Variants in PSIP1 observed in about 807,000 individuals in gnomAD.
PSIP1 encodes PC4 and SRSF1 interacting protein 1.
PSIP1 carries 19 observed loss-of-function variants against 74.7 expected under a neutral mutation model. The ratio of observed to expected loss-of-function variants is 0.25; its 90% CI spans 0.18 to 0.37. The LOEUF is 0.37. Ranked by LOEUF, PSIP1 falls within the 10% of genes least tolerant of loss-of-function variation. The probability of loss-of-function intolerance (pLI) is 1.00; values close to 1 mark genes in which losing one functional copy is unlikely to be tolerated. For synonymous variants in PSIP1, 222 were observed against 195.3 expected, an observed-to-expected ratio of 1.14 and a Z score of -1.14; for missense variants, 601 against 614.3, an observed-to-expected ratio of 0.98 and a Z score of 0.23.
chr9:15,479,873 G>A (rs898407549), intron 6 of PSIP1, among the ~76,000 whole-genome samples, 186 bp from the exon 7 acceptor site: 12 of 151,766 alleles, frequency 7.9e-5, no homozygotes, highest in Admixed American at 3.3e-4. Flanking sequence ...TATAACTCTA[G>A]TGAACAACTC....
chr9:15,467,903 C>T (rs2035698770), intron 14 of PSIP1, among the ~76,000 whole-genome samples: 1 of 152,036 alleles, frequency 6.6e-6, no homozygotes, highest in Admixed American at 6.6e-5. Context: ...GGTGGATTAC[C>T]ATAGGTCGGG....
At chr9:15,474,649 A>C (rs1384768925) in intron 8 of PSIP1, among the ~76,000 whole-genome samples, 1 of 152,160 alleles carries the variant, frequency 6.6e-6, no homozygotes, top group Non-Finnish European at 1.5e-5. Flanking sequence ...GCTGACTAGC[A>C]CCTAAGTATT....
chr9:15,486,393 G>C (rs1322728782), intron 5 of PSIP1, among the ~76,000 whole-genome samples: 2 of 152,134 alleles, frequency 1.3e-5, no homozygotes, highest in African/African-American at 2.4e-5. Context: ...AGGGTGGCTG[G>C]GACATTGAAG....
intron 14 of PSIP1, 111 bp downstream of exon 14, chr9:15,468,519 C>G (rs766475812): frequency 7.1e-5 from 88 of 1,236,566 alleles, no homozygotes; most frequent in Non-Finnish European, 9.9e-5. Context: ...CCTTTGTATA[C>G]TTTTTCTGTG....
rs560795352 is a variant in PSIP1, at chr9:15,505,620, G to A, written c.149+941C>T. 10 of 152,156 alleles carry A rather than the reference G, an allele frequency of 6.6e-5. No individual in the cohort carries two copies. The South Asian group carries it at 8.3e-4, about 13-fold the overall frequency. 9.4% of individuals were successfully genotyped at this position (152,156 alleles called of 1,614,324 possible). ...TAGTGGTTGTTTACGGTTGGAGAGG[G>A]GAAAGTGATCATCAAAAGGTTATGA... is the stretch of plus-strand genomic sequence containing the variant. On this transcript the variant is annotated intron_variant, in intron 3 of 15. Coordinates refer to ENST00000380733, the MANE Select transcript of PSIP1 (RefSeq NM_033222.5).
intron 6 of PSIP1, 40 bp from the exon 7 acceptor site, chr9:15,479,727 T>G (rs777939479): frequency 6.5e-7 from 1 of 1,541,598 alleles, no homozygotes; most frequent in Non-Finnish European, 8.9e-7. Flanking sequence ...TAGCAAATAG[T>G]AGGCACTCAA....
chr9:15,494,624 G>T (rs190074253), intron 3 of PSIP1, among the ~76,000 whole-genome samples: 109 of 147,358 alleles, frequency 7.4e-4, no homozygotes, highest in African/African-American at 2.6e-3. Flanking sequence ...AAAAATCAGG[G>T]TATATAAAAG....
chr9:15,473,964 T>A lies in PSIP1; in HGVS notation c.858+45A>T, dbSNP rs781591610. On this transcript the variant is annotated intron_variant, in intron 9 of 15. Transcript: ENST00000380733. ...AAAGAAAAAACAAAAAATATATATA[T>A]AAACTAAGAATAGAACAGCCATTTT... The A allele has an allele frequency of 9.0e-5, 116 of 1,284,778 alleles. No individual in the cohort carries two copies. In the Admixed American group the frequency reaches 2.5e-3, roughly 28 times the overall value. 79.6% of individuals were successfully genotyped at this position (1,284,778 alleles called of 1,614,324 possible).
Position 15,486,054 on chromosome 9 carries a change from T to G in PSIP1, c.408A>C (p.Ala136=), listed in dbSNP as rs1420680113. The G allele has an allele frequency of 3.1e-6, 5 of 1,606,638 alleles. No individual in the cohort carries two copies. Among genetic ancestry groups the G allele is most frequent in the Non-Finnish European group, 4.3e-6 (5 of 1,175,200 alleles). The change falls in exon 6 of 16, where the codon GCA becomes GCC. Residue 136 remains alanine, a synonymous_variant. Transcript: ENST00000380733. The part of the protein sequence containing the change: ...EKASNEDVTK[A]VDITTPKAAR... ...CAGCTTTTGGAGTAGTTATGTCAACTGCTTTAGTCACATCCTAAAAAAGAA... is the reference window on the plus strand; with the variant it reads ...CAGCTTTTGGAGTAGTTATGTCAACGGCTTTAGTCACATCCTAAAAAAGAA...
In PSIP1 at chr9:15,510,267, C is replaced by A; in HGVS notation, c.-79G>T. ...GCGGCGCGGGGATGCGGGCGGCGGA[C>A]GCGGGCCCAGCTACCGGGCCCGCGG... On this transcript the variant is annotated 5_prime_UTR_variant, in exon 2 of 16. Coordinates refer to ENST00000380733, the MANE Select transcript of PSIP1 (RefSeq NM_033222.5). 1 of 1,337,832 alleles carries A rather than the reference C, an allele frequency of 7.5e-7. No individual in the cohort carries two copies. Among genetic ancestry groups the A allele is most frequent in the East Asian group, 2.6e-5 (1 of 37,860 alleles). The allele number at this position is 1,337,832 out of a possible 1,614,324, so 82.9% of individuals were successfully genotyped here.
chr9:15,481,312 G>C (rs964786668), intron 6 of PSIP1, among the ~76,000 whole-genome samples: 1 of 152,304 alleles, frequency 6.6e-6, no homozygotes, highest in East Asian at 1.9e-4. Context: ...CTAAAATTCA[G>C]TTATAACTGG....
At chr9:15,468,030 G>C (rs909410565) in intron 14 of PSIP1, among the ~76,000 whole-genome samples, 1 of 149,012 alleles carries the variant, frequency 6.7e-6, no homozygotes, top group Non-Finnish European at 1.5e-5. Flanking sequence ...TGAGGCAGGA[G>C]AATCGCTTGA....
At chr9:15,494,731 G>A (rs990537441) in intron 3 of PSIP1, among the ~76,000 whole-genome samples, 3 of 151,892 alleles carry the variant, frequency 2.0e-5, no homozygotes, top group African/African-American at 7.3e-5. Flanking sequence ...TAGGATTAAG[G>A]CAAACCAATA....
intron 5 of PSIP1, among the ~76,000 whole-genome samples, chr9:15,486,420 T>G (rs974887993): frequency 1.2e-4 from 19 of 152,178 alleles, no homozygotes; most frequent in Non-Finnish European, 2.2e-4. Flanking sequence ...TAACAACCAT[T>G]TCATTAGGCC....
intron 3 of PSIP1, among the ~76,000 whole-genome samples, chr9:15,499,445 G>A (rs2037231273): frequency 6.6e-6 from 1 of 152,154 alleles, no homozygotes; most frequent in African/African-American, 2.4e-5. Context: ...GTGTACATGT[G>A]CATTCCAATT....
At chr9:15,495,623 T>G (rs925165151) in intron 3 of PSIP1, among the ~76,000 whole-genome samples, 6 of 152,230 alleles carry the variant, frequency 3.9e-5, no homozygotes, top group African/African-American at 1.4e-4. Flanking sequence ...TGATATTTAT[T>G]ATGATATGGA....
At chr9:15,468,436 C>G (rs756989593) in intron 14 of PSIP1, 194 bp downstream of exon 14, 1 of 770,636 alleles carries the variant, frequency 1.3e-6, no homozygotes, top group African/African-American at 1.7e-5. Context: ...CGAATATAAA[C>G]TGACATGATT....
intron 15 of PSIP1, 117 bp downstream of exon 15, chr9:15,466,631 G>A (rs2035644264): frequency 1.4e-6 from 1 of 720,730 alleles, no homozygotes; most frequent in East Asian, 3.2e-5. Context: ...ACTGAATTCA[G>A]GAATTGGGTG....
At chr9:15,496,943 A>T (rs1269926431) in intron 3 of PSIP1, among the ~76,000 whole-genome samples, 1 of 152,206 alleles carries the variant, frequency 6.6e-6, no homozygotes, top group Non-Finnish European at 1.5e-5. Context: ...AAGGATGTGG[A>T]GAAATTGGAA....
Sources: allele counts gnomAD v4.1 joint callset (sites outside exome capture counted in the v4.1 genomes callset), GRCh38; gene constraint gnomAD v4.1.1; transcripts MANE v1.5; gene names NCBI Gene and HGNC (gene_info 2026-07-23, HGNC 2026-07-21).